Variants in NDEL1 observed in about 807,000 individuals in gnomAD.
NDEL1 encodes the protein nudE neurodevelopment protein 1 like 1, also known as nuclear distribution protein nudE-like 1.
NDEL1 carries 9 observed loss-of-function variants against 45.7 expected under a neutral mutation model. The observed-to-expected ratio is 0.20, with a 90% CI of 0.12 to 0.34. NDEL1 has a LOEUF of 0.34. Among genes scored for constraint, NDEL1 ranks in the 10% least tolerant of loss-of-function variants. NDEL1 has a pLI of 1.00. For missense variants in NDEL1, 306 were observed against 406.2 expected, an observed-to-expected ratio of 0.75 and a Z score of 2.12; for synonymous variants, 133 against 158.6, an observed-to-expected ratio of 0.84 and a Z score of 1.21.
At chr17:8,450,054 G>A (rs1377540345) in intron 5 of NDEL1, among the ~76,000 whole-genome samples, 4 of 152,064 alleles carry the variant, frequency 2.6e-5, no homozygotes, top group African/African-American at 9.7e-5. Flanking sequence ...AGGCTGAGGC[G>A]GGTGGATCAT....
chr17:8,450,697 T>G (rs1910435516), intron 5 of NDEL1, 83 bp from the exon 6 acceptor site: 2 of 1,197,336 alleles, frequency 1.7e-6, no homozygotes, highest in Non-Finnish European at 2.3e-6. Context: ...AAGAAGACCT[T>G]TATGACATTT....
chr17:8,453,675 C>A (rs12450679), intron 6 of NDEL1, among the ~76,000 whole-genome samples: 14,973 of 152,128 alleles, frequency 0.098, 951 homozygotes, highest in Admixed American at 0.16. Flanking sequence ...AATATCCATT[C>A]TCCCCAAGTC....
At chr17:8,461,153 C>G (rs1038573826) in intron 8 of NDEL1, 1 of 152,108 alleles carries the variant, frequency 6.6e-6, no homozygotes, top group East Asian at 1.9e-4. Flanking sequence ...AGGTACAACT[C>G]TAGAAACGCT....
chr17:8,457,769 C>T (rs959020994), intron 7 of NDEL1, among the ~76,000 whole-genome samples: 1 of 152,126 alleles, frequency 6.6e-6, no homozygotes, highest in African/African-American at 2.4e-5. Context: ...CTAATTTTGT[C>T]CATCTGTGCT....
upstream of NDEL1, among the ~76,000 whole-genome samples, chr17:8,432,605 C>T (rs532770913): frequency 6.6e-6 from 1 of 151,318 alleles, no homozygotes; most frequent in South Asian, 2.1e-4. Flanking sequence ...AGGATGGTCT[C>T]GATCTCCTGA....
At chr17:8,452,740 C>CTTTTTTTTTTTTTTTTTTTTTTTTTTGT in intron 6 of NDEL1, among the ~76,000 whole-genome samples, 1 of 95,628 alleles carries the variant, frequency 1.0e-5, no homozygotes, top group Non-Finnish European at 2.0e-5. Context: ...TTTTTCTTCT[C>CTTTTTTTTTTTTTTTTTTTTTTTTTTGT]TTTTTTTTTT....
chr17:8,452,163 G>A (rs2201466), intron 6 of NDEL1, among the ~76,000 whole-genome samples: 61,181 of 152,036 alleles, frequency 0.4, 12,327 homozygotes, highest in South Asian at 0.45. Flanking sequence ...GAGCCCTCAC[G>A]GTCAGTTTTT....
At chr17:8,416,122 C>G (rs1344654585) in intron 1 of NDEL1, among the ~76,000 whole-genome samples, 1 of 152,150 alleles carries the variant, frequency 6.6e-6, no homozygotes, top group African/African-American at 2.4e-5. Context: ...GTCACCACCA[C>G]CCATCTCCAG....
chr17:8,454,843 A>G lies in NDEL1; in HGVS notation c.748A>G (p.Ile250Val). ...GTSPLTPSAR[I>V]SALNIVGDLL... ...CAGTCCACTAACTCCCTCTGCTAGG[A>G]TATCAGCACTAAACATCGTGGGGGA... Residue 250 changes from isoleucine (I) to valine (V), a missense_variant, in exon 7 of 9, where the codon ATA (isoleucine) becomes GTA (valine). By Grantham distance (29) the Ile-to-Val change is conservative (BLOSUM62 3). This residue lies in a region of NDEL1 where 175 missense variants were observed against 205.2 expected (regional missense o/e 0.85). Coordinates refer to ENST00000334527, the MANE Select transcript of NDEL1 (RefSeq NM_030808.5). 6.2e-7 allele frequency: 1 copy of G among 1,614,052 alleles called. No individual in the cohort carries two copies.
At chr17:8,441,515 A>G (rs373279996) in intron 1 of NDEL1, among the ~76,000 whole-genome samples, 2 of 152,376 alleles carry the variant, frequency 1.3e-5, no homozygotes, top group South Asian at 2.1e-4. Context: ...TCAATACATT[A>G]CAAGTTTTAG....
At chr17:8,466,834 T>C (rs1911627099) in intron 8 of NDEL1, 96 bp from the exon 9 acceptor site, 13 of 1,267,384 alleles carry the variant, frequency 1.0e-5, no homozygotes, top group Non-Finnish European at 1.4e-5. Flanking sequence ...AGGAATAGTT[T>C]TAGAAAGCAG....
At chr17:8,429,045 G>T (rs1461551713) in intron 1 of NDEL1, among the ~76,000 whole-genome samples, 1 of 152,200 alleles carries the variant, frequency 6.6e-6, no homozygotes, top group African/African-American at 2.4e-5. Flanking sequence ...TTGCATTAGG[G>T]ATTATAGACG....
chr17:8,418,618 T>G (rs1279620118), intron 1 of NDEL1, among the ~76,000 whole-genome samples: 1 of 152,066 alleles, frequency 6.6e-6, no homozygotes, highest in African/African-American at 2.4e-5. Flanking sequence ...TAAAAAAGTT[T>G]ATGGCTGCTT....
At chr17:8,434,647 C>G (rs1247997928), upstream of NDEL1, among the ~76,000 whole-genome samples, 1 of 152,120 alleles carries the variant, frequency 6.6e-6, no homozygotes. Flanking sequence ...ATGTAAGTTG[C>G]CTATCCCTCT....
At chr17:8,458,854 G>A (rs1307384817) in intron 7 of NDEL1, among the ~76,000 whole-genome samples, 2 of 152,054 alleles carry the variant, frequency 1.3e-5, no homozygotes, top group South Asian at 2.1e-4. Flanking sequence ...AGCCTCCTGC[G>A]TAGCTGGGAT....
intron 8 of NDEL1, among the ~76,000 whole-genome samples, 153 bp downstream of exon 8, chr17:8,460,313 G>T (rs1482872524): frequency 6.6e-6 from 1 of 152,120 alleles, no homozygotes; most frequent in Non-Finnish European, 1.5e-5. Flanking sequence ...GACGTCTGTT[G>T]TTGTCCTCTA....
intron 1 of NDEL1, among the ~76,000 whole-genome samples, chr17:8,428,189 T>C (rs186147561): frequency 2.0e-5 from 3 of 152,190 alleles, no homozygotes; most frequent in Non-Finnish European, 4.4e-5. Context: ...GGGGGTGCTT[T>C]TTAAAGTTGT....
At chr17:8,435,747 T>C (rs1909254327), upstream of NDEL1, 1 of 343,822 alleles carries the variant, frequency 2.9e-6, no homozygotes, top group African/African-American at 2.3e-5. Flanking sequence ...GCCGTCAGCT[T>C]GGCGTCAGCG....
At chr17:8,470,725 C>A (rs1911813776), downstream of NDEL1, among the ~76,000 whole-genome samples, 1 of 152,244 alleles carries the variant, frequency 6.6e-6, no homozygotes, top group Non-Finnish European at 1.5e-5. This position sits in a 1 kb window ranked among gnomAD's most constrained non-coding sequence, Gnocchi z 4.2. Context: ...AGACTTGAGG[C>A]CTCACTGGCC....
Sources: gnomAD v4.1 joint callset for allele counts (sites outside exome capture counted in the v4.1 genomes callset) on GRCh38, gnomAD v4.1.1 for gene constraint, gnomAD v4.1.1 regional missense constraint, Gnocchi (gnomAD v3.1) non-coding constraint, MANE v1.5 for transcripts, NCBI Gene and HGNC (gene_info 2026-07-23, HGNC 2026-07-21) for gene names.